The following LRP1B variants were observed in gnomAD, a reference collection of about 807,000 sequenced individuals.
The protein encoded by LRP1B is LDL receptor related protein 1B, also known as low-density lipoprotein receptor-related protein 1B.
In LRP1B, 217 loss-of-function variants were observed where a neutral mutation model predicts 556.6. The ratio of observed to expected loss-of-function variants is 0.39; its 90% CI spans 0.35 to 0.44. The LOEUF (loss-of-function observed/expected upper bound fraction) is 0.44. Ranked by LOEUF, LRP1B falls within the 20% of genes least tolerant of loss-of-function variation. LRP1B has a pLI of 1.00. For synonymous variants in LRP1B, 2,047 were observed against 1,865.8 expected (o/e 1.10, Z -2.50); for missense variants, 5,053 against 5,620.8 (o/e 0.90, Z 3.23).
chr2:141,958,838 A>G (rs114987082), intron 1 of LRP1B, among the ~76,000 whole-genome samples: 4,753 of 152,070 alleles, frequency 0.031, 235 homozygotes, highest in African/African-American at 0.11. Context: ...TTTTCATTAA[A>G]TTAATTCTAA....
At chr2:141,094,844 A>G (rs983385422) in intron 7 of LRP1B, among the ~76,000 whole-genome samples, 3 of 152,212 alleles carry the variant, frequency 2.0e-5, no homozygotes, top group African/African-American at 4.8e-5. Context: ...AAGCCATTCA[A>G]TGAAATCGGA....
At chr2:141,703,024 G>T (rs1691995878) in intron 2 of LRP1B, among the ~76,000 whole-genome samples, 1 of 151,818 alleles carries the variant, frequency 6.6e-6, no homozygotes, top group Admixed American at 6.6e-5. Context: ...CAAAAGGAAA[G>T]GTTAATCTGA....
At chr2:140,712,182 G>A (rs1373875227) in intron 37 of LRP1B, among the ~76,000 whole-genome samples, 5 of 152,018 alleles carry the variant, frequency 3.3e-5, no homozygotes, top group South Asian at 2.1e-4. Context: ...CTGTTTTCCC[G>A]GAGTGGTCCT....
chr2:141,433,823 T>C (rs1680658283), intron 3 of LRP1B, among the ~76,000 whole-genome samples: 1 of 151,772 alleles, frequency 6.6e-6, no homozygotes. Flanking sequence ...AGGGAAGCTT[T>C]CAGGTACTAT....
intron 34 of LRP1B, among the ~76,000 whole-genome samples, 191 bp downstream of exon 34, chr2:140,770,690 C>A (rs1480255540): frequency 1.3e-5 from 2 of 151,968 alleles, no homozygotes; most frequent in Non-Finnish European, 2.9e-5. Flanking sequence ...TCTTATAAGG[C>A]AGAACAATGA....
intron 2 of LRP1B, among the ~76,000 whole-genome samples, chr2:141,800,522 A>G (rs1249537752): frequency 1.3e-5 from 2 of 152,158 alleles, no homozygotes; most frequent in Admixed American, 6.6e-5. Flanking sequence ...CACCCATGCT[A>G]TGTGCAATAT....
At chr2:141,851,941 A>C (rs1022421100) in intron 1 of LRP1B, among the ~76,000 whole-genome samples, 2 of 151,738 alleles carry the variant, frequency 1.3e-5, no homozygotes, top group African/African-American at 4.8e-5. Context: ...GATATAATCT[A>C]CAAAGTTCAA....
At chr2:141,004,455 T>C (rs1341191830) in intron 15 of LRP1B, among the ~76,000 whole-genome samples, 1 of 152,036 alleles carries the variant, frequency 6.6e-6, no homozygotes, top group African/African-American at 2.4e-5. Flanking sequence ...GGACATAAAC[T>C]GAACCATCAG....
At chr2:140,396,952 C>T (rs965005703) in intron 66 of LRP1B, among the ~76,000 whole-genome samples, 1 of 152,050 alleles carries the variant, frequency 6.6e-6, no homozygotes, top group African/African-American at 2.4e-5. Flanking sequence ...CTTTGTAAAG[C>T]ATCCCATTCA....
At chr2:141,084,660 T>G (rs1324976738) in intron 7 of LRP1B, among the ~76,000 whole-genome samples, 6 of 151,798 alleles carry the variant, frequency 4.0e-5, no homozygotes, top group Non-Finnish European at 8.8e-5. Context: ...TTCTTTTTTT[T>G]TTTTTTTCAG....
chr2:140,365,853 T>C (rs2105154912), intron 71 of LRP1B, among the ~76,000 whole-genome samples: 1 of 151,754 alleles, frequency 6.6e-6, no homozygotes, highest in East Asian at 1.9e-4. Flanking sequence ...TACCAAAATA[T>C]GAGGCAGAGC....
rs2105116560 is a variant in LRP1B, at chr2:140,350,984, A to G, written c.11705T>C (p.Ile3902Thr). ...ATCGCCACTGTAGTTGAATGGATATATAAAACCCAGGATATCAGTGTCATT... is the reference window on the plus strand; with the variant it reads ...ATCGCCACTGTAGTTGAATGGATATGTAAAACCCAGGATATCAGTGTCATT... ...IANDTDILGF[I>T]YPFNYSGDHQ... Residue 3902 changes from isoleucine to threonine, a missense_variant, in exon 77 of 91, where the codon ATA becomes ACA. By Grantham distance (89) the Ile-to-Thr change is moderately conservative. Transcript: ENST00000389484. 2 of 1,605,500 alleles carry G rather than the reference A, an allele frequency of 1.2e-6. No individual in the cohort carries two copies. The highest frequency in any genetic ancestry group is 1.7e-6 in the Non-Finnish European group (2 of 1,173,010).
chr2:141,499,084 C>T (rs555401857), intron 2 of LRP1B, among the ~76,000 whole-genome samples: 1 of 152,168 alleles, frequency 6.6e-6, no homozygotes, highest in Admixed American at 6.6e-5. Context: ...GAAAGGCCTT[C>T]CCTTGTTAAT....
chr2:141,187,487 G>A (rs539032226), intron 7 of LRP1B, among the ~76,000 whole-genome samples: 3 of 152,038 alleles, frequency 2.0e-5, no homozygotes, highest in African/African-American at 7.2e-5. Flanking sequence ...ACAATAACAA[G>A]GATAGAATTT....
intron 11 of LRP1B, among the ~76,000 whole-genome samples, chr2:141,035,615 G>T (rs897993122): frequency 6.6e-6 from 1 of 151,846 alleles, no homozygotes; most frequent in Non-Finnish European, 1.5e-5. Context: ...ATAAGGATCA[G>T]ATTTATAGAT....
intron 20 of LRP1B, among the ~76,000 whole-genome samples, chr2:140,945,449 C>T (rs1189624667): frequency 6.6e-6 from 1 of 152,114 alleles, no homozygotes; most frequent in Non-Finnish European, 1.5e-5. Context: ...GATTATCCAA[C>T]TTCAAACTAT....
chr2:140,742,260 G>C (rs183902012), intron 35 of LRP1B, among the ~76,000 whole-genome samples: 7 of 152,148 alleles, frequency 4.6e-5, no homozygotes, highest in Non-Finnish European at 8.8e-5. Context: ...AGTGTCGAAA[G>C]GGATTATTGA....
At chr2:141,370,713 C>T (rs1573868036) in intron 3 of LRP1B, among the ~76,000 whole-genome samples, 1 of 151,982 alleles carries the variant, frequency 6.6e-6, no homozygotes, top group Non-Finnish European at 1.5e-5. Flanking sequence ...TTCGTGAATT[C>T]TTTGCCTAGA....
chr2:140,969,280 T>C (rs1696333486), intron 18 of LRP1B, among the ~76,000 whole-genome samples: 1 of 152,246 alleles, frequency 6.6e-6, no homozygotes, highest in Admixed American at 6.5e-5. Context: ...TTTACCATTA[T>C]GTAATGGCCT....
Sources: gnomAD v4.1 joint callset for allele counts (sites outside exome capture counted in the v4.1 genomes callset) on GRCh38, gnomAD v4.1.1 for gene constraint, MANE v1.5 for transcripts, NCBI Gene and HGNC (gene_info 2026-07-23, HGNC 2026-07-21) for gene names.